Variants in CDH18 observed in about 807,000 individuals in gnomAD.
CDH18 encodes cadherin-18.
In CDH18, 31 loss-of-function variants were observed where a neutral mutation model predicts 67.9. The observed-to-expected ratio is 0.46, with a 90% CI of 0.34 to 0.62. CDH18 has a LOEUF of 0.62. CDH18 is among the 20% of genes least tolerant of loss of function. CDH18 has a pLI of 0.01. For missense variants in CDH18, 890 were observed against 975.5 expected, an observed-to-expected ratio of 0.91 and a Z score of 1.17; for synonymous variants, 362 against 347.2, an observed-to-expected ratio of 1.04 and a Z score of -0.48.
At chr5:19,527,698 T>C (rs796713694) in intron 9 of CDH18, among the ~76,000 whole-genome samples, 19 of 151,942 alleles carry the variant, frequency 1.3e-4, no homozygotes, top group African/African-American at 4.6e-4. Flanking sequence ...TTACAAAGCA[T>C]TTAGAAACAC....
At chr5:19,936,414 C>T (rs894185770) in intron 2 of CDH18, among the ~76,000 whole-genome samples, 1 of 151,146 alleles carries the variant, frequency 6.6e-6, no homozygotes, top group African/African-American at 2.4e-5. Flanking sequence ...AACAGAAAGT[C>T]CTTTAACCTG....
intron 2 of CDH18, chr5:19,878,025 T>C (rs936489615): frequency 1.3e-5 from 2 of 152,120 alleles, no homozygotes; most frequent in Non-Finnish European, 2.9e-5. Context: ...GAGCACTGCA[T>C]ACTAACTTCG....
chr5:19,680,894 A>G (rs1266692706), intron 5 of CDH18, among the ~76,000 whole-genome samples: 1 of 152,006 alleles, frequency 6.6e-6, no homozygotes, highest in Non-Finnish European at 1.5e-5. Flanking sequence ...CCATTCAACC[A>G]AACAATCCCA....
chr5:20,222,733 A>G (rs1580516351), intron 2 of CDH18, among the ~76,000 whole-genome samples: 1 of 152,150 alleles, frequency 6.6e-6, no homozygotes, highest in East Asian at 1.9e-4. Flanking sequence ...GAACTGAGGG[A>G]AAAACAAATG....
rs547922203 is a variant in CDH18 at position 20,076,939 on chromosome 5, G to A, written c.-517-84925C>T. ...ACATGGTTCCATTTATCAGCAAAAA[G>A]TGACTTATGCATCATTGTAAAAATC... On this transcript the variant is annotated intron_variant, in intron 2 of 14. Transcript: ENST00000507958. Among the ~76,000 whole-genome samples the A allele has an allele frequency of 2.6e-5, 4 of 152,212 alleles. No individual in the cohort carries two copies. In the South Asian group the frequency reaches 8.3e-4, roughly 32 times the overall value.
chr5:20,496,760 C>T (rs1753933016), intron 1 of CDH18, among the ~76,000 whole-genome samples: 1 of 152,070 alleles, frequency 6.6e-6, no homozygotes, highest in East Asian at 1.9e-4. Context: ...TTGCTATGCT[C>T]AAGACACAGT....
chr5:20,416,484 G>A (rs1021249509), intron 1 of CDH18, among the ~76,000 whole-genome samples: 3 of 152,058 alleles, frequency 2.0e-5, no homozygotes, highest in Non-Finnish European at 2.9e-5. Context: ...AAAGCATATA[G>A]AATTAATAGG....
intron 1 of CDH18, among the ~76,000 whole-genome samples, chr5:20,486,698 T>TATATATAC (rs1241021314): frequency 3.3e-5 from 5 of 150,426 alleles, no homozygotes; most frequent in African/African-American, 9.8e-5. Flanking sequence ...TATATATATA[T>TATATATAC]ACATATATGT....
chr5:19,582,066 C>T (rs1230407677), intron 7 of CDH18, among the ~76,000 whole-genome samples: 2 of 151,974 alleles, frequency 1.3e-5, no homozygotes, highest in African/African-American at 4.8e-5. Context: ...CATTTGAACA[C>T]TGGACAAATA....
rs559517009 is a variant in CDH18 at position 20,173,402 on chromosome 5, G to A, written c.-518+82042C>T. On this transcript the variant is annotated intron_variant, in intron 2 of 14. Transcript: ENST00000507958. Reference sequence around the variant, plus strand: ...TTAAGAAAGAACGAGAAGACCTCCTGAGAAGAGCTTTCAGACAGAAGGTTC... The same window carrying A: ...TTAAGAAAGAACGAGAAGACCTCCTAAGAAGAGCTTTCAGACAGAAGGTTC... 4.1e-3 allele frequency among the ~76,000 whole-genome samples: 630 copies of A among 152,278 alleles called. 1 individual carries two copies. The highest frequency in any genetic ancestry group is 7.2e-3 in the Non-Finnish European group (489 of 68,022).
At chr5:19,811,154 GAAA>G (rs1778680592) in intron 3 of CDH18, among the ~76,000 whole-genome samples, 9 of 21,358 alleles carry the variant, frequency 4.2e-4, no homozygotes, top group Admixed American at 4.0e-3. Flanking sequence ...AAGAAAGAAA[GAAA>G]GAAGGAGAGA....
chr5:20,089,021 T>C (rs1745208407), intron 2 of CDH18, among the ~76,000 whole-genome samples: 2 of 152,134 alleles, frequency 1.3e-5, no homozygotes, highest in African/African-American at 4.8e-5. Flanking sequence ...GTATTGCTGT[T>C]TTTTCTGGTA....
chr5:20,539,498 C>T (rs1026719250), intron 1 of CDH18, among the ~76,000 whole-genome samples: 26 of 151,746 alleles, frequency 1.7e-4, no homozygotes, highest in Non-Finnish European at 1.8e-4. Context: ...GAAGACCGTA[C>T]GCAATATATT....
At chr5:20,136,000 C>T (rs968628675) in intron 2 of CDH18, among the ~76,000 whole-genome samples, 8 of 152,142 alleles carry the variant, frequency 5.3e-5, no homozygotes, top group South Asian at 4.1e-4. Context: ...CTGAGGAGTG[C>T]TTTACTTCCA....
At chr5:19,598,482 T>C (rs1746524368) in intron 6 of CDH18, among the ~76,000 whole-genome samples, 1 of 152,014 alleles carries the variant, frequency 6.6e-6, no homozygotes, top group Non-Finnish European at 1.5e-5. Context: ...AAGAATAAAT[T>C]GTTTAAAGTT....
intron 1 of CDH18, among the ~76,000 whole-genome samples, chr5:20,361,094 C>A (rs1435663926): frequency 6.6e-6 from 1 of 151,830 alleles, no homozygotes; most frequent in Non-Finnish European, 1.5e-5. Context: ...AGAGAAATTA[C>A]CTCAAATTTT....
intron 3 of CDH18, among the ~76,000 whole-genome samples, chr5:19,758,833 C>A (rs1771973395): frequency 6.6e-6 from 1 of 152,208 alleles, no homozygotes; most frequent in African/African-American, 2.4e-5. Flanking sequence ...AATGTCTCAC[C>A]AATAAGTCCA....
chr5:20,060,471 G>GA (rs1017077104), intron 2 of CDH18, among the ~76,000 whole-genome samples: 16 of 148,572 alleles, frequency 1.1e-4, no homozygotes, highest in South Asian at 2.1e-4. Context: ...CTCAAAAAAA[G>GA]AAAAAAAAAG....
At chr5:20,173,092 T>C (rs1220127151) in intron 2 of CDH18, among the ~76,000 whole-genome samples, 1 of 151,966 alleles carries the variant, frequency 6.6e-6, no homozygotes, top group Non-Finnish European at 1.5e-5. Context: ...AGCCAACAGA[T>C]CTGCAAGAGG....
Sources: allele counts gnomAD v4.1 joint callset (sites outside exome capture counted in the v4.1 genomes callset), GRCh38; gene constraint gnomAD v4.1.1; transcripts MANE v1.5; gene names NCBI Gene and HGNC (gene_info 2026-07-23, HGNC 2026-07-21).